Variants in ARHGAP31 observed in about 807,000 individuals in gnomAD.
The protein encoded by ARHGAP31 is Rho GTPase activating protein 31.
A neutral mutation model predicts 113.9 loss-of-function variants in ARHGAP31; 34 were observed. The observed-to-expected ratio is 0.30, with a 90% CI of 0.23 to 0.40. ARHGAP31 has a LOEUF of 0.40. Ranked by LOEUF, ARHGAP31 falls within the 10% of genes least tolerant of loss-of-function variation. ARHGAP31 has a pLI of 1.00. For missense variants in ARHGAP31, 1,548 were observed against 1,767.1 expected (o/e 0.88, Z 2.22); for synonymous variants, 650 against 684.8 (o/e 0.95, Z 0.79).
chr3:119,356,636 A>G (rs574452065), intron 1 of ARHGAP31, among the ~76,000 whole-genome samples: 1 of 152,066 alleles, frequency 6.6e-6, no homozygotes, highest in Admixed American at 6.5e-5. Flanking sequence ...GTCTCAAAAA[A>G]AAAAAGAAAA....
intron 1 of ARHGAP31, among the ~76,000 whole-genome samples, chr3:119,309,132 G>A (rs978106226): frequency 6.6e-5 from 10 of 152,248 alleles, no homozygotes; most frequent in African/African-American, 2.2e-4. Context: ...GTGAGCCACC[G>A]TGCCTGGCCA....
At position 119,415,252 on chromosome 3, in the gene ARHGAP31, A is replaced by T; in HGVS notation, c.3323A>T (p.Asn1108Ile). 1 of 1,614,154 alleles carries T rather than the reference A, an allele frequency of 6.2e-7. No individual in the cohort carries two copies. Among genetic ancestry groups the T allele is most frequent in the Non-Finnish European group, 8.5e-7 (1 of 1,180,020 alleles). The change falls in exon 12 of 12, where the codon AAC becomes ATC. Residue 1108 changes from asparagine to isoleucine, a missense_variant. By Grantham distance (149) the Asn-to-Ile change is moderately radical. Transcript: ENST00000264245. ...PKGKNRPSSL[N>I]LDPAIPIADL... ...GGGAAAAACAGGCCTTCTTCCCTCAACTTGGACCCTGCCATTCCCATTGCT... is the reference window on the plus strand; with the variant it reads ...GGGAAAAACAGGCCTTCTTCCCTCATCTTGGACCCTGCCATTCCCATTGCT...
Position 119,409,643 on chromosome 3 carries a change from A to G in ARHGAP31, c.1793A>G (p.His598Arg), listed in dbSNP as rs749007766. 2.5e-5 allele frequency: 40 copies of G among 1,613,110 alleles called. No individual in the cohort carries two copies. Among genetic ancestry groups the G allele is most frequent in the Admixed American group, 3.3e-5 (2 of 59,858 alleles). Residue 598 changes from histidine to arginine, a missense_variant, in exon 11 of 12, where the codon CAT (histidine) becomes CGT (arginine). By Grantham distance (29) the His-to-Arg change is conservative (BLOSUM62 0). Transcript: ENST00000264245. ...KTPESSLSSQ[H>R]LNELEKRPNP... The stretch of plus-strand genomic sequence containing the variant: ...CCAGAAAGCTCCTTGAGCTCTCAAC[A>G]TTTAAATGAATTAGAGAAGAGGCCA...
intron 1 of ARHGAP31, among the ~76,000 whole-genome samples, chr3:119,328,739 C>G (rs1326275234): frequency 6.6e-6 from 1 of 152,096 alleles, no homozygotes; most frequent in Non-Finnish European, 1.5e-5. Flanking sequence ...CTCCTGAGTT[C>G]AAGCGATTCT....
At chr3:119,382,236 C>A in intron 4 of ARHGAP31, 56 bp from the exon 5 acceptor site, 1 of 1,462,942 alleles carries the variant, frequency 6.8e-7, no homozygotes, top group South Asian at 1.1e-5. Flanking sequence ...CTCCATATGT[C>A]AGGCTTCACA....
intron 1 of ARHGAP31, among the ~76,000 whole-genome samples, chr3:119,344,748 C>G (rs1432262382): frequency 6.6e-6 from 1 of 151,568 alleles, no homozygotes; most frequent in Non-Finnish European, 1.5e-5. Flanking sequence ...CCTCCCACCT[C>G]AGCCTCCCAA....
In ARHGAP31 at chr3:119,332,635, TCACACA is replaced by T. The variant is rs71156743; in HGVS notation, c.101-32645_101-32640del. 4.3e-3 allele frequency among the ~76,000 whole-genome samples: 365 copies of T among 85,634 alleles called. 4 individuals are homozygous for T. The highest frequency in any genetic ancestry group is 0.013 in the East Asian group (38 of 2,892). 56.2% of individuals were successfully genotyped at this position (85,634 alleles called of 152,430 possible). A position where few individuals can be genotyped will look rare whatever the true frequency, so the allele number is the denominator to read the frequency against. ...CTCTCTCTCTCTCTCTCTCTCTCTC[TCACACA>T]CACACACACACACACACACACACAC... is the stretch of plus-strand genomic sequence containing the variant. On this transcript the variant is annotated intron_variant, in intron 1 of 11. Coordinates refer to ENST00000264245, the MANE Select transcript of ARHGAP31 (RefSeq NM_020754.4).
At chr3:119,307,121 G>A (rs534559501) in intron 1 of ARHGAP31, among the ~76,000 whole-genome samples, 46 of 151,828 alleles carry the variant, frequency 3.0e-4, no homozygotes, top group Non-Finnish European at 4.9e-4. Flanking sequence ...GGGTGGTTGA[G>A]CATATGGTTT....
intron 8 of ARHGAP31, 129 bp downstream of exon 8, chr3:119,393,720 A>C (rs1335605757): frequency 2.3e-6 from 3 of 1,303,596 alleles, no homozygotes; most frequent in Non-Finnish European, 3.2e-6. Flanking sequence ...CTAGGGGAAG[A>C]GGAGTCTTTT....
At chr3:119,393,382 A>C in intron 7 of ARHGAP31, 85 bp from the exon 8 acceptor site, 1 of 1,526,540 alleles carries the variant, frequency 6.6e-7, no homozygotes, top group African/African-American at 1.4e-5. Flanking sequence ...AACTGAGGAC[A>C]TAACTGGAAT....
rs531579174 is a variant in ARHGAP31, at chr3:119,395,120, G to A, written c.1006+1529G>A. 9.2e-5 allele frequency among the ~76,000 whole-genome samples: 14 copies of A among 152,280 alleles called. No homozygotes were observed. In the East Asian group the frequency reaches 2.7e-3, roughly 29 times the overall value. ...CTAAATGTTTGAAATTTTTAATAGA[G>A]ATTTGGGGGAAAATTAATTCCTATA... On this transcript the variant is annotated intron_variant, in intron 8 of 11. Transcript: ENST00000264245.
chr3:119,391,589 A>ACCCCCCCCCCCCCCCCCCCCCCCCCCC (rs368549202), intron 7 of ARHGAP31, among the ~76,000 whole-genome samples: 8 of 103,746 alleles, frequency 7.7e-5, no homozygotes, highest in South Asian at 4.0e-4. Flanking sequence ...CTGGGTCTCT[A>ACCCCCCCCCCCCCCCCCCCCCCCCCCC]CCCCCCCCTC....
At chr3:119,328,387 A>G (rs1352086963) in intron 1 of ARHGAP31, among the ~76,000 whole-genome samples, 1 of 152,140 alleles carries the variant, frequency 6.6e-6, no homozygotes, top group Non-Finnish European at 1.5e-5. Context: ...ATCTCCAGTG[A>G]TGGGAAACTC....
At chr3:119,348,653 A>T (rs2080084031) in intron 1 of ARHGAP31, among the ~76,000 whole-genome samples, 1 of 152,202 alleles carries the variant, frequency 6.6e-6, no homozygotes. Flanking sequence ...TCATCTCTAG[A>T]TTACTTATAT....
intron 1 of ARHGAP31, among the ~76,000 whole-genome samples, chr3:119,321,696 C>T (rs1413264138): frequency 6.6e-6 from 1 of 152,094 alleles, no homozygotes; most frequent in Non-Finnish European, 1.5e-5. Flanking sequence ...TTGCCCAGGC[C>T]AGAGTGCAGT....
chr3:119,359,591 A>T (rs1304761714), intron 1 of ARHGAP31, among the ~76,000 whole-genome samples: 2 of 152,092 alleles, frequency 1.3e-5, no homozygotes, highest in Non-Finnish European at 2.9e-5. Flanking sequence ...TCAGAGGGAA[A>T]ATTGGGGTGG....
intron 1 of ARHGAP31, among the ~76,000 whole-genome samples, chr3:119,341,135 A>T (rs952692807): frequency 2.0e-5 from 3 of 152,114 alleles, no homozygotes; most frequent in South Asian, 2.1e-4. Context: ...GAGTCCCCAT[A>T]TATTCTCTTA....
intron 1 of ARHGAP31, among the ~76,000 whole-genome samples, chr3:119,331,394 G>A (rs897570859): frequency 5.3e-5 from 8 of 152,064 alleles, no homozygotes; most frequent in Admixed American, 1.3e-4. Flanking sequence ...GAATAAAAAT[G>A]GAATAGGTTA....
At chr3:119,388,010 A>C (rs1435773055) in intron 6 of ARHGAP31, among the ~76,000 whole-genome samples, 3 of 152,114 alleles carry the variant, frequency 2.0e-5, no homozygotes, top group African/African-American at 7.2e-5. Flanking sequence ...CTATGAGCAA[A>C]TGTTCCAAAG....
Sources: gnomAD v4.1 joint callset for allele counts (sites outside exome capture counted in the v4.1 genomes callset) on GRCh38, gnomAD v4.1.1 for gene constraint, MANE v1.5 for transcripts, NCBI Gene and HGNC (gene_info 2026-07-23, HGNC 2026-07-21) for gene names.